Variants in ABTB3 observed in about 807,000 individuals in gnomAD.
The protein encoded by ABTB3 is ankyrin repeat and BTB domain containing 3, also known as ankyrin repeat- and BTB/POZ domain-containing protein 3.
the ABTB3 span, among the ~76,000 whole-genome samples, chr12:107,528,754 T>C: frequency 6.6e-6 from 1 of 152,162 alleles, no homozygotes; most frequent in African/African-American, 2.4e-5. Flanking sequence ...GCTGCTGCTG[T>C]TGCTACTGCT....
chr12:107,433,350 A>G, the ABTB3 span, among the ~76,000 whole-genome samples: 1 of 151,230 alleles, frequency 6.6e-6, no homozygotes, highest in Non-Finnish European at 1.5e-5. Context: ...GGGAGGAGGC[A>G]AGGGGGTTTG....
At chr12:107,445,755 C>G in the ABTB3 span, among the ~76,000 whole-genome samples, 1 of 152,120 alleles carries the variant, frequency 6.6e-6, no homozygotes, top group African/African-American at 2.4e-5. Context: ...TGGAGGCTTA[C>G]AGGAGAATCC....
the ABTB3 span, chr12:107,640,418 G>A: frequency 3.3e-6 from 5 of 1,525,898 alleles, no homozygotes; most frequent in Non-Finnish European, 3.6e-6. Context: ...TCCAAGGTAC[G>A]TATCATCGGT....
the ABTB3 span, among the ~76,000 whole-genome samples, chr12:107,473,889 T>A: frequency 6.6e-6 from 1 of 151,676 alleles, no homozygotes; most frequent in African/African-American, 2.4e-5. Flanking sequence ...GCAACCTCCG[T>A]CTCCCAGATT....
chr12:107,318,647 T>G, the ABTB3 span: 1 of 371,560 alleles, frequency 2.7e-6, no homozygotes, highest in Non-Finnish European at 4.9e-6. Context: ...CACTTTTTAT[T>G]TTGGAAGAAA....
the ABTB3 span, among the ~76,000 whole-genome samples, chr12:107,541,426 G>T: frequency 5.3e-5 from 8 of 152,306 alleles, no homozygotes; most frequent in Non-Finnish European, 1.2e-4. Flanking sequence ...GAACCAACAG[G>T]ATTTCTCTCT....
chr12:107,335,382 T>TATTTGTGATG, the ABTB3 span, among the ~76,000 whole-genome samples: 2 of 145,058 alleles, frequency 1.4e-5, no homozygotes, highest in Non-Finnish European at 3.0e-5. Context: ...ATTCTGAGGA[T>TATTTGTGATG]ATTTGTGATG....
At chr12:107,654,840 A>G in the ABTB3 span, among the ~76,000 whole-genome samples, 540 of 150,356 alleles carry the variant, frequency 3.6e-3, 5 homozygotes, top group African/African-American at 0.013. Context: ...ACACACACAC[A>G]CACACACACA....
the ABTB3 span, among the ~76,000 whole-genome samples, chr12:107,645,110 T>A: frequency 6.6e-6 from 1 of 151,914 alleles, no homozygotes. Flanking sequence ...GTAGCTAGGA[T>A]AACAGGTGCC....
the ABTB3 span, among the ~76,000 whole-genome samples, chr12:107,581,550 G>A: frequency 6.6e-6 from 1 of 152,232 alleles, no homozygotes; most frequent in Non-Finnish European, 1.5e-5. Flanking sequence ...ACAGATGTCG[G>A]TGTGGTTTCT....
chr12:107,321,327 G>A, the ABTB3 span, among the ~76,000 whole-genome samples: 1 of 152,236 alleles, frequency 6.6e-6, no homozygotes, highest in African/African-American at 2.4e-5. Flanking sequence ...GCGTGTGTAA[G>A]TGTGCTTGTG....
chr12:107,491,256 C>T, the ABTB3 span, among the ~76,000 whole-genome samples: 1 of 152,194 alleles, frequency 6.6e-6, no homozygotes, highest in Non-Finnish European at 1.5e-5. Context: ...TGATAGCAGT[C>T]CCCACATGCC....
At chr12:107,457,005 A>G in the ABTB3 span, among the ~76,000 whole-genome samples, 1 of 151,902 alleles carries the variant, frequency 6.6e-6, no homozygotes, top group South Asian at 2.1e-4. Flanking sequence ...GACTGCAGGC[A>G]CCCGCCACCA....
the ABTB3 span, among the ~76,000 whole-genome samples, chr12:107,464,184 A>G: frequency 4.7e-5 from 7 of 147,550 alleles, no homozygotes; most frequent in African/African-American, 1.7e-4. Flanking sequence ...AAGGGAGTTT[A>G]TGAGACATGA....
the ABTB3 span, among the ~76,000 whole-genome samples, chr12:107,461,083 C>A: frequency 6.6e-6 from 1 of 152,132 alleles, no homozygotes; most frequent in African/African-American, 2.4e-5. Context: ...AGCAAAGGCA[C>A]GTCCTACATG....
the ABTB3 span, among the ~76,000 whole-genome samples, chr12:107,399,992 C>A: frequency 2.9e-3 from 439 of 152,290 alleles, 2 homozygotes; most frequent in Non-Finnish European, 4.6e-3. Flanking sequence ...CCAGCTTCAT[C>A]CATGTCCCTG....
At chr12:107,648,306 G>A in the ABTB3 span, among the ~76,000 whole-genome samples, 7 of 151,542 alleles carry the variant, frequency 4.6e-5, no homozygotes, top group South Asian at 4.2e-4. Context: ...GCTTGAACCC[G>A]GGAGGTGGAG....
chr12:107,374,115 G>C, the ABTB3 span, among the ~76,000 whole-genome samples: 1 of 152,138 alleles, frequency 6.6e-6, no homozygotes, highest in African/African-American at 2.4e-5. Flanking sequence ...AAGGGGGCTG[G>C]GGGCAGCCGC....
chr12:107,373,333 T>A, the ABTB3 span, among the ~76,000 whole-genome samples: 1 of 152,054 alleles, frequency 6.6e-6, no homozygotes, highest in Non-Finnish European at 1.5e-5. Context: ...GGGTGGTGCC[T>A]GTAGGAAAAT....
Sources: allele counts gnomAD v4.1 joint callset (sites outside exome capture counted in the v4.1 genomes callset), GRCh38; gene constraint gnomAD v4.1.1; transcripts MANE v1.5; gene names NCBI Gene and HGNC (gene_info 2026-07-23, HGNC 2026-07-21).